ILRUN: variants seen among roughly 807,000 people sequenced by gnomAD.
The protein encoded by ILRUN is inflammation and lipid regulator with UBA-like and NBR1-like domains.
ILRUN carries 3 observed loss-of-function variants against 33.8 expected under a neutral mutation model. That is an observed-to-expected ratio of 0.09 (90% CI 0.04 to 0.23). ILRUN has a LOEUF of 0.23. ILRUN is among the 10% of genes least tolerant of loss of function. The pLI is 1.00. For missense variants in ILRUN, 210 were observed against 375.1 expected (o/e 0.56, Z 3.64); for synonymous variants, 124 against 138.9 (o/e 0.89, Z 0.75).
rs1763787036 is a variant in ILRUN, at chr6:34,696,684, G to A, written c.-81C>T. On this transcript the variant is annotated 5_prime_UTR_variant, in exon 1 of 5. Transcript: ENST00000374023. ...CGCCGGGCCCGGGGACCTGGAGGGG[G>A]GCCGCTGCTAGCTAGCTTCGCGACC... is the stretch of plus-strand genomic sequence containing the variant. The A allele has an allele frequency of 1.8e-5, 27 of 1,496,920 alleles. No individual in the cohort carries two copies. In the South Asian group the frequency reaches 3.0e-4, roughly 17 times the overall value. 92.7% of individuals were successfully genotyped at this position (1,496,920 alleles called of 1,614,324 possible). A position where few individuals can be genotyped will look rare whatever the true frequency, so the allele number is the denominator to read the frequency against.
intron 1 of ILRUN, among the ~76,000 whole-genome samples, chr6:34,669,199 C>CTGTA (rs936785448): frequency 5.7e-4 from 87 of 151,930 alleles, no homozygotes; most frequent in African/African-American, 2.1e-3. Flanking sequence ...TTATGGCTCA[C>CTGTA]TGTAGCCTCA....
intron 1 of ILRUN, among the ~76,000 whole-genome samples, chr6:34,680,406 GTTTA>G (rs368230303): frequency 3.3e-4 from 50 of 151,424 alleles, no homozygotes; most frequent in African/African-American, 1.1e-3. Context: ...TTATTTTTTT[GTTTA>G]TTTGTTTTGT....
At chr6:34,659,712 C>A (rs968591658) in intron 1 of ILRUN, among the ~76,000 whole-genome samples, 2 of 149,554 alleles carry the variant, frequency 1.3e-5, no homozygotes, top group African/African-American at 5.0e-5. Flanking sequence ...ACCTCCACCT[C>A]CCGGGTTCAA....
intron 4 of ILRUN, among the ~76,000 whole-genome samples, chr6:34,599,554 T>A (rs1554182600): frequency 1.3e-5 from 2 of 151,198 alleles, no homozygotes; most frequent in Non-Finnish European, 3.0e-5. Flanking sequence ...TTGCCTTGTT[T>A]AAAAAAAAAG....
intron 1 of ILRUN, among the ~76,000 whole-genome samples, chr6:34,688,113 G>A (rs964204647): frequency 6.6e-6 from 1 of 152,064 alleles, no homozygotes; most frequent in African/African-American, 2.4e-5. Context: ...AAAGAGTGAG[G>A]CCAGGGGTGG....
At chr6:34,629,557 G>A (rs1218192949) in intron 3 of ILRUN, among the ~76,000 whole-genome samples, 1 of 152,132 alleles carries the variant, frequency 6.6e-6, no homozygotes, top group Non-Finnish European at 1.5e-5. Context: ...TCCTCCATAG[G>A]TAAGATATTT....
intron 4 of ILRUN, chr6:34,595,571 C>A (rs1335597116): frequency 5.9e-6 from 1 of 170,628 alleles, no homozygotes. Context: ...GTGAGTCAGA[C>A]GTTTTTTAAC....
chr6:34,670,219 G>C (rs1582095968), intron 1 of ILRUN, among the ~76,000 whole-genome samples: 3 of 152,066 alleles, frequency 2.0e-5, no homozygotes, highest in Non-Finnish European at 4.4e-5. Context: ...GGCCAAAAAG[G>C]CAAATCTTTA....
chr6:34,633,435 G>T (rs1454706052), intron 3 of ILRUN, among the ~76,000 whole-genome samples: 1 of 152,124 alleles, frequency 6.6e-6, no homozygotes, highest in Non-Finnish European at 1.5e-5. Flanking sequence ...CAACCAACTG[G>T]ATCGAACTGA....
chr6:34,682,251 GTTTTTTTTTTTTT>G (rs66948142), intron 1 of ILRUN, among the ~76,000 whole-genome samples: 1 of 51,072 alleles, frequency 2.0e-5, no homozygotes, highest in Non-Finnish European at 3.6e-5. Flanking sequence ...TGCAACCTCT[GTTTTTTTTTTTTT>G]TTTTTTTTTT....
intron 1 of ILRUN, among the ~76,000 whole-genome samples, chr6:34,666,868 AGAT>A (rs1763017576): frequency 6.6e-6 from 1 of 152,332 alleles, no homozygotes; most frequent in African/African-American, 2.4e-5. Context: ...CCAACTCTTC[AGAT>A]GATAACCAAG....
intron 1 of ILRUN, among the ~76,000 whole-genome samples, chr6:34,682,453 T>C (rs1253786731): frequency 2.0e-5 from 3 of 151,136 alleles, no homozygotes; most frequent in Admixed American, 1.3e-4. Context: ...AGAGACACGG[T>C]TTCACCATAT....
chr6:34,683,411 T>C lies in ILRUN; in HGVS notation c.158+13035A>G, dbSNP rs1489456862. Among the ~76,000 whole-genome samples the C allele has an allele frequency of 5.3e-5, 4 of 75,200 alleles. 1 individual carries two copies. Among genetic ancestry groups the C allele is most frequent in the African/African-American group, 3.7e-4 (4 of 10,794 alleles). 49.3% of individuals were successfully genotyped at this position (75,200 alleles called of 152,430 possible). A position where few individuals can be genotyped will look rare whatever the true frequency, so the allele number is the denominator to read the frequency against. ...TTATATATATGCACATATATACATA[T>C]ATATATACATATATATACATATATA... is the stretch of plus-strand genomic sequence containing the variant. On this transcript the variant is annotated intron_variant, in intron 1 of 4. Coordinates refer to ENST00000374023, the MANE Select transcript of ILRUN (RefSeq NM_024294.4).
chr6:34,624,885 C>T (rs1403941300), intron 3 of ILRUN, among the ~76,000 whole-genome samples: 1 of 152,208 alleles, frequency 6.6e-6, no homozygotes, highest in Non-Finnish European at 1.5e-5. Flanking sequence ...GCTTTTGCTT[C>T]CGAGAGATCT....
intron 1 of ILRUN, among the ~76,000 whole-genome samples, chr6:34,690,739 G>A (rs1471063615): frequency 6.6e-6 from 1 of 151,944 alleles, no homozygotes; most frequent in Non-Finnish European, 1.5e-5. Context: ...CCACCTCCAA[G>A]GAGGACAAAC....
At chr6:34,644,353 T>C (rs555636489) in intron 3 of ILRUN, among the ~76,000 whole-genome samples, 2 of 152,346 alleles carry the variant, frequency 1.3e-5, no homozygotes, top group South Asian at 4.1e-4. Context: ...TTTTGAGTTA[T>C]AAAGATAAAC....
intron 1 of ILRUN, among the ~76,000 whole-genome samples, chr6:34,674,884 A>C (rs1209535943): frequency 6.6e-6 from 1 of 152,072 alleles, no homozygotes. Context: ...AGTTGGTGAG[A>C]TCCCCCCATC....
At chr6:34,667,704 T>C (rs777606902) in intron 1 of ILRUN, among the ~76,000 whole-genome samples, 1 of 152,300 alleles carries the variant, frequency 6.6e-6, no homozygotes, top group South Asian at 2.1e-4. Flanking sequence ...ATAGAAGACA[T>C]AGCATCATCT....
At chr6:34,615,087 T>C (rs1419313551) in intron 3 of ILRUN, among the ~76,000 whole-genome samples, 6 of 152,054 alleles carry the variant, frequency 3.9e-5, no homozygotes, top group Non-Finnish European at 8.8e-5. Context: ...ATTGGTGAAA[T>C]CCAAATAAAG....
Sources: gnomAD v4.1 joint callset for allele counts (sites outside exome capture counted in the v4.1 genomes callset) on GRCh38, gnomAD v4.1.1 for gene constraint, MANE v1.5 for transcripts, NCBI Gene and HGNC (gene_info 2026-07-23, HGNC 2026-07-21) for gene names.